The following HOOK3 variants were observed in gnomAD, a reference collection of about 807,000 sequenced individuals.
HOOK3 encodes the protein protein Hook homolog 3.
In HOOK3, 24 loss-of-function variants were observed where a neutral mutation model predicts 116.3. The observed-to-expected ratio is 0.21, with a 90% CI of 0.15 to 0.29. The LOEUF (loss-of-function observed/expected upper bound fraction) is 0.29. HOOK3 is among the 10% of genes least tolerant of loss of function. The probability of loss-of-function intolerance (pLI) is 1.00; values close to 1 mark genes in which losing one functional copy is unlikely to be tolerated. For synonymous variants in HOOK3, 275 were observed against 283.0 expected, an observed-to-expected ratio of 0.97 and a Z score of 0.28; for missense variants, 632 against 830.2, an observed-to-expected ratio of 0.76 and a Z score of 2.93.
intron 1 of HOOK3, among the ~76,000 whole-genome samples, chr8:42,902,821 T>C (rs1169728053): frequency 5.9e-5 from 9 of 152,220 alleles, no homozygotes; most frequent in Admixed American, 5.9e-4. Flanking sequence ...TCATTCAAAG[T>C]GGCGTCCACT....
At chr8:43,011,949 G>T (rs1809620418) in intron 19 of HOOK3, among the ~76,000 whole-genome samples, 1 of 152,126 alleles carries the variant, frequency 6.6e-6, no homozygotes, top group Admixed American at 6.5e-5. Flanking sequence ...TAGTCCTCTA[G>T]TTGGCCAGCC....
In HOOK3 at chr8:42,966,633, C is replaced by A. The variant is rs377757089; in HGVS notation, c.920+20C>A. 6.2e-7 allele frequency: 1 copy of A among 1,611,026 alleles called. No individual in the cohort carries two copies. Among genetic ancestry groups the A allele is most frequent in the East Asian group, 2.2e-5 (1 of 44,808 alleles). On this transcript the variant is annotated intron_variant, in intron 10 of 21. Coordinates refer to ENST00000307602, the MANE Select transcript of HOOK3 (RefSeq NM_032410.4). ...GCTGAGGTAAAAACCTCACCTTCAC[C>A]GCCCAGCACAGTTTGGCTCTGGTGT...
intron 9 of HOOK3, among the ~76,000 whole-genome samples, chr8:42,964,895 A>C (rs532274518): frequency 5.9e-5 from 9 of 152,236 alleles, no homozygotes; most frequent in African/African-American, 2.2e-4. Context: ...TGAGGCTCCA[A>C]ATAAACAACT....
chr8:42,918,509 A>C (rs1807575410), intron 2 of HOOK3, among the ~76,000 whole-genome samples: 1 of 152,020 alleles, frequency 6.6e-6, no homozygotes. Flanking sequence ...ACAAAAGTGG[A>C]GGGAAGGTCA....
intron 5 of HOOK3, 73 bp downstream of exon 5, chr8:42,943,518 T>TA: frequency 9.5e-7 from 1 of 1,047,346 alleles, no homozygotes; most frequent in Non-Finnish European, 1.3e-6. Flanking sequence ...ATTTTATATA[T>TA]AAATCACCAG....
At chr8:42,900,311 A>C (rs1022523582) in intron 1 of HOOK3, among the ~76,000 whole-genome samples, 2 of 152,146 alleles carry the variant, frequency 1.3e-5, no homozygotes, top group Admixed American at 1.3e-4. Context: ...TGTGAAGCCT[A>C]ATTTCTTGAA....
chr8:42,967,837 T>C (rs1311574188), intron 10 of HOOK3, among the ~76,000 whole-genome samples, 176 bp from the exon 11 acceptor site: 1 of 151,694 alleles, frequency 6.6e-6, no homozygotes, highest in Non-Finnish European at 1.5e-5. Context: ...TTATTCTCCA[T>C]TAAACATTTA....
At chr8:42,919,146 A>G (rs1284384944) in intron 2 of HOOK3, among the ~76,000 whole-genome samples, 24 of 146,524 alleles carry the variant, frequency 1.6e-4, no homozygotes, top group African/African-American at 6.1e-4. Context: ...CACTTCCCAG[A>G]CGGGGCGGCT....
intron 9 of HOOK3, among the ~76,000 whole-genome samples, chr8:42,964,855 T>C (rs915133209): frequency 5.3e-5 from 8 of 150,792 alleles, no homozygotes; most frequent in Non-Finnish European, 1.5e-5. Context: ...AAAAATATAA[T>C]GTTAGGACTT....
chr8:42,932,270 G>C (rs557992257), intron 4 of HOOK3, among the ~76,000 whole-genome samples: 29 of 152,200 alleles, frequency 1.9e-4, no homozygotes, highest in Non-Finnish European at 3.7e-4. Context: ...CCTTCGACCA[G>C]AAGTACTTAT....
chr8:43,005,785 C>T lies in HOOK3; in HGVS notation c.1656-2062C>T, dbSNP rs542649189. 9.2e-5 allele frequency among the ~76,000 whole-genome samples: 14 copies of T among 151,790 alleles called. 1 individual carries two copies. Among genetic ancestry groups the T allele is most frequent in the African/African-American group, 3.4e-4 (14 of 41,422 alleles). Reference sequence around the variant, plus strand: ...GATCTCGGCTCACTTCAACCTCTGCCTCCCGGGTTCAAGCAGGTCTCTGCC... The same window carrying T: ...GATCTCGGCTCACTTCAACCTCTGCTTCCCGGGTTCAAGCAGGTCTCTGCC... On this transcript the variant is annotated intron_variant, in intron 17 of 21. Coordinates refer to ENST00000307602, the MANE Select transcript of HOOK3 (RefSeq NM_032410.4).
intron 2 of HOOK3, among the ~76,000 whole-genome samples, chr8:42,923,213 G>C (rs1189900452): frequency 6.6e-6 from 1 of 152,208 alleles, no homozygotes; most frequent in Non-Finnish European, 1.5e-5. Flanking sequence ...ATAATAACGA[G>C]TATTGGCAAG....
At chr8:42,961,512 A>T (rs1808533885) in intron 8 of HOOK3, among the ~76,000 whole-genome samples, 1 of 152,040 alleles carries the variant, frequency 6.6e-6, no homozygotes, top group South Asian at 2.1e-4. Context: ...TCAATGAAAG[A>T]AGTGAGAACA....
intron 15 of HOOK3, among the ~76,000 whole-genome samples, chr8:42,987,542 T>C (rs1809071468): frequency 6.6e-6 from 1 of 152,224 alleles, no homozygotes; most frequent in Non-Finnish European, 1.5e-5. Flanking sequence ...CGTAATTGGA[T>C]TGACAAAGCA....
At chr8:42,966,412 T>C in intron 9 of HOOK3, 61 bp from the exon 10 acceptor site, 1 of 1,563,206 alleles carries the variant, frequency 6.4e-7, no homozygotes, top group East Asian at 2.2e-5. Flanking sequence ...CTTTTACTGT[T>C]CTAAGGAGAA....
intron 15 of HOOK3, among the ~76,000 whole-genome samples, chr8:42,987,440 A>C (rs1170615617): frequency 6.6e-6 from 1 of 152,178 alleles, no homozygotes; most frequent in Non-Finnish European, 1.5e-5. Flanking sequence ...CAAGAATTTC[A>C]ATTCACAGTT....
intron 2 of HOOK3, among the ~76,000 whole-genome samples, chr8:42,919,672 A>G (rs1807614550): frequency 6.6e-6 from 1 of 152,228 alleles, no homozygotes; most frequent in Admixed American, 6.5e-5. Flanking sequence ...TGAGTGAGCG[A>G]GACTCCGTCT....
chr8:43,001,664 A>G (rs376311649), intron 16 of HOOK3, among the ~76,000 whole-genome samples: 8 of 152,010 alleles, frequency 5.3e-5, no homozygotes, highest in Admixed American at 4.6e-4. Context: ...GTGCATTTTC[A>G]TAAGTCACTG....
At chr8:42,897,354 G>A (rs1807023607) in intron 1 of HOOK3, 166 bp downstream of exon 1, 1 of 420,390 alleles carries the variant, frequency 2.4e-6, no homozygotes, top group East Asian at 3.7e-5. Flanking sequence ...AGAGAGACTT[G>A]CCGGGCCTGA....
Sources: allele counts gnomAD v4.1 joint callset (sites outside exome capture counted in the v4.1 genomes callset), GRCh38; gene constraint gnomAD v4.1.1; transcripts MANE v1.5; gene names NCBI Gene and HGNC (gene_info 2026-07-23, HGNC 2026-07-21).